The following XKR4 variants were observed in gnomAD, a reference collection of about 807,000 sequenced individuals.
XKR4 encodes the protein XK related 4, also known as XK-related protein 4.
In XKR4, 12 loss-of-function variants were observed where a neutral mutation model predicts 53.9. The observed-to-expected ratio is 0.22, with a 90% confidence interval of 0.14 to 0.36. The LOEUF (loss-of-function observed/expected upper bound fraction) is 0.36. XKR4 is among the 10% of genes least tolerant of loss of function. The pLI is 1.00. For missense variants in XKR4, 799 were observed against 859.5 expected (o/e 0.93, Z 0.88); for synonymous variants, 354 against 362.4 (o/e 0.98, Z 0.26).
At chr8:55,450,876 C>G (rs72645681) in intron 2 of XKR4, 51 of 469,748 alleles carry the variant, frequency 1.1e-4, no homozygotes, top group Middle Eastern at 3.2e-4. Flanking sequence ...GGAGCTCCCC[C>G]CTCCCAGCAC....
At chr8:55,256,119 A>G (rs1030030133) in intron 1 of XKR4, among the ~76,000 whole-genome samples, 2 of 152,004 alleles carry the variant, frequency 1.3e-5, no homozygotes, top group African/African-American at 4.8e-5. Flanking sequence ...TGAGGAAGGC[A>G]GGGTAAAAGT....
intron 2 of XKR4, among the ~76,000 whole-genome samples, chr8:55,365,463 G>A (rs535826783): frequency 9.1e-4 from 139 of 152,356 alleles, no homozygotes; most frequent in African/African-American, 3.2e-3. Context: ...CCAGCACTTT[G>A]GGAGGCCAAG....
chr8:55,337,258 T>G (rs531713715), intron 1 of XKR4, among the ~76,000 whole-genome samples: 1 of 152,178 alleles, frequency 6.6e-6, no homozygotes, highest in Non-Finnish European at 1.5e-5. Context: ...AATATCAACA[T>G]GGGGGTTTCT....
intron 2 of XKR4, among the ~76,000 whole-genome samples, chr8:55,364,818 G>A (rs901097575): frequency 2.6e-5 from 4 of 151,984 alleles, no homozygotes; most frequent in Non-Finnish European, 5.9e-5. Context: ...TTTTAGTAGA[G>A]ATGGGATTTC....
chr8:55,476,663 G>A lies in XKR4; in HGVS notation c.1007-46618G>A, dbSNP rs148063777. Among the ~76,000 whole-genome samples, 912 of 152,106 alleles carry A rather than the reference G, an allele frequency of 6.0e-3. 14 individuals carry two copies. The highest frequency in any genetic ancestry group is 0.02 in the African/African-American group (846 of 41,428). On this transcript the variant is annotated intron_variant, in intron 2 of 2. Transcript: ENST00000327381. ...CTAGTCAAAGAAAGGGGTGACAGAC[G>A]GCACCTGGAAAATCAGGTCACTCCC...
chr8:55,232,075 T>C (rs1258028398), intron 1 of XKR4, among the ~76,000 whole-genome samples: 1 of 152,238 alleles, frequency 6.6e-6, no homozygotes, highest in Non-Finnish European at 1.5e-5. Context: ...AAATGGAATC[T>C]TATCTCAATC....
intron 1 of XKR4, among the ~76,000 whole-genome samples, chr8:55,330,080 T>C (rs1190990351): frequency 6.6e-6 from 1 of 152,188 alleles, no homozygotes; most frequent in Non-Finnish European, 1.5e-5. Flanking sequence ...ATCATCAGTA[T>C]TATCGTCAGC....
chr8:55,115,623 A>C (rs1816294884), intron 1 of XKR4, among the ~76,000 whole-genome samples: 1 of 152,046 alleles, frequency 6.6e-6, no homozygotes, highest in African/African-American at 2.4e-5. Context: ...TCTCTACTCA[A>C]AATACAAGAA....
At chr8:55,434,427 G>GTGTGTGTGTGTT (rs1554525249) in intron 2 of XKR4, among the ~76,000 whole-genome samples, 28 of 152,006 alleles carry the variant, frequency 1.8e-4, no homozygotes, top group African/African-American at 6.5e-4. Context: ...GTGTGTGTGT[G>GTGTGTGTGTGTT]TGTGTGTGTG....
chr8:55,454,175 G>T lies in XKR4; in HGVS notation c.1007-69106G>T, dbSNP rs2929043. 18 of 990,168 alleles carry T rather than the reference G, an allele frequency of 1.8e-5. No individual in the cohort carries two copies. In the African/African-American group the frequency reaches 2.1e-4, roughly 11 times the overall value. 61.3% of individuals were successfully genotyped at this position (990,168 alleles called of 1,614,324 possible). A position where few individuals can be genotyped will look rare whatever the true frequency, so the allele number is the denominator to read the frequency against. On this transcript the variant is annotated intron_variant, in intron 2 of 2. Coordinates refer to ENST00000327381, the MANE Select transcript of XKR4 (RefSeq NM_052898.2). Reference sequence around the variant, plus strand: ...CAGGACCATTCTTAGAACACTGTGCGTCTGACTCTGCAGTGGCTCTAGCAA... The same window carrying T: ...CAGGACCATTCTTAGAACACTGTGCTTCTGACTCTGCAGTGGCTCTAGCAA...
At chr8:55,453,679 C>A (rs1805497918) in intron 2 of XKR4, 4 of 408,462 alleles carry the variant, frequency 9.8e-6, no homozygotes, top group Non-Finnish European at 1.9e-5. Flanking sequence ...AGGGCCGGGG[C>A]GCCCATCTCA....
chr8:55,475,707 A>G (rs1013350271), intron 2 of XKR4, among the ~76,000 whole-genome samples: 1 of 151,896 alleles, frequency 6.6e-6, no homozygotes, highest in African/African-American at 2.4e-5. Context: ...ACGTTCAAAC[A>G]GTTCTCTACC....
intron 2 of XKR4, among the ~76,000 whole-genome samples, chr8:55,411,742 C>A (rs925197943): frequency 6.6e-6 from 1 of 152,128 alleles, no homozygotes; most frequent in East Asian, 1.9e-4. Flanking sequence ...GCGAGAGTGC[C>A]TTTGCCCTGT....
chr8:55,407,224 G>A (rs1226337887), intron 2 of XKR4, among the ~76,000 whole-genome samples: 1 of 147,432 alleles, frequency 6.8e-6, no homozygotes, highest in African/African-American at 2.7e-5. Flanking sequence ...AAGAACTTGG[G>A]GCCAGCCTCG....
chr8:55,111,074 G>A (rs1382712617), intron 1 of XKR4, among the ~76,000 whole-genome samples: 1 of 152,106 alleles, frequency 6.6e-6, no homozygotes, highest in Non-Finnish European at 1.5e-5. Context: ...ATTTAAAGAG[G>A]CATCTGTCCT....
intron 1 of XKR4, among the ~76,000 whole-genome samples, chr8:55,271,052 G>C (rs1027902857): frequency 6.6e-6 from 1 of 152,044 alleles, no homozygotes; most frequent in Non-Finnish European, 1.5e-5. Context: ...CATGCATGTT[G>C]GTGGACAGTT....
intron 1 of XKR4, among the ~76,000 whole-genome samples, chr8:55,166,157 C>T (rs1041248390): frequency 2.6e-5 from 4 of 152,112 alleles, no homozygotes; most frequent in Non-Finnish European, 4.4e-5. Context: ...CAAATTGTGG[C>T]CCAATAAATA....
At chr8:55,323,274 A>T (rs542869369) in intron 1 of XKR4, among the ~76,000 whole-genome samples, 3 of 152,240 alleles carry the variant, frequency 2.0e-5, no homozygotes, top group Non-Finnish European at 4.4e-5. Context: ...ACACAGCCCT[A>T]TACTCATCAT....
At chr8:55,444,482 T>C (rs140332594) in intron 2 of XKR4, among the ~76,000 whole-genome samples, 2 of 152,106 alleles carry the variant, frequency 1.3e-5, no homozygotes, top group African/African-American at 4.8e-5. Context: ...TGGCAAAGGA[T>C]TAGTATCCAG....
Sources: allele counts gnomAD v4.1 joint callset (sites outside exome capture counted in the v4.1 genomes callset), GRCh38; gene constraint gnomAD v4.1.1; transcripts MANE v1.5; gene names NCBI Gene and HGNC (gene_info 2026-07-23, HGNC 2026-07-21).